SLC35F1: variants seen among roughly 807,000 people sequenced by gnomAD.
SLC35F1 encodes the protein solute carrier family 35 member F1.
Under a neutral mutation model 48.7 loss-of-function variants are expected in SLC35F1, and 14 were observed. The ratio of observed to expected loss-of-function variants is 0.29; its 90% confidence interval spans 0.19 to 0.45. SLC35F1 has a LOEUF of 0.45. SLC35F1 is among the 20% of genes least tolerant of loss of function. SLC35F1 has a pLI of 1.00. For synonymous variants in SLC35F1, 190 were observed against 202.2 expected (o/e 0.94, Z 0.51); for missense variants, 404 against 500.0 (o/e 0.81, Z 1.83).
chr6:118,164,027 T>C (rs1774279893), intron 2 of SLC35F1, among the ~76,000 whole-genome samples: 1 of 152,260 alleles, frequency 6.6e-6, no homozygotes, highest in Non-Finnish European at 1.5e-5. Flanking sequence ...TAATTATCTC[T>C]GGATCATAAT....
intron 7 of SLC35F1, among the ~76,000 whole-genome samples, chr6:118,308,858 A>G (rs1378071672): frequency 6.6e-6 from 1 of 152,176 alleles, no homozygotes; most frequent in Non-Finnish European, 1.5e-5. Context: ...CAAGTAGTAC[A>G]TCTGTTTCAA....
intron 1 of SLC35F1, among the ~76,000 whole-genome samples, chr6:118,052,176 A>G (rs191958284): frequency 3.6e-4 from 55 of 152,154 alleles, no homozygotes; most frequent in Admixed American, 1.8e-3. Flanking sequence ...ACCTGCAGCC[A>G]CCCCTTCCCA....
chr6:118,246,573 A>G (rs1349546510), intron 3 of SLC35F1, among the ~76,000 whole-genome samples: 1 of 152,146 alleles, frequency 6.6e-6, no homozygotes, highest in Non-Finnish European at 1.5e-5. Context: ...TACTGACAAC[A>G]TGAATCTGAC....
intron 1 of SLC35F1, among the ~76,000 whole-genome samples, chr6:117,963,177 A>G (rs1338920098): frequency 2.6e-5 from 4 of 152,164 alleles, no homozygotes; most frequent in African/African-American, 9.7e-5. Flanking sequence ...TAGGCTCATT[A>G]AGTGGCCCAA....
intron 7 of SLC35F1, among the ~76,000 whole-genome samples, chr6:118,307,889 C>T (rs779298725): frequency 1.3e-5 from 2 of 152,180 alleles, no homozygotes; most frequent in Non-Finnish European, 2.9e-5. Flanking sequence ...TGTACCCAAG[C>T]TCCAGGTATG....
intron 1 of SLC35F1, among the ~76,000 whole-genome samples, chr6:117,948,586 A>C (rs1484844707): frequency 6.6e-6 from 1 of 152,280 alleles, no homozygotes; most frequent in African/African-American, 2.4e-5. Flanking sequence ...CAAGTTTTGC[A>C]TTTGACATTG....
intron 1 of SLC35F1, among the ~76,000 whole-genome samples, chr6:117,953,896 G>A (rs1776394295): frequency 6.6e-6 from 1 of 152,108 alleles, no homozygotes; most frequent in Non-Finnish European, 1.5e-5. Flanking sequence ...GATAGAAAGG[G>A]AACATGAATG....
intron 2 of SLC35F1, among the ~76,000 whole-genome samples, chr6:118,162,521 T>G (rs1171029437): frequency 6.6e-6 from 1 of 152,170 alleles, no homozygotes; most frequent in African/African-American, 2.4e-5. Context: ...AATTTTATTG[T>G]ATCTAAGTTG....
intron 1 of SLC35F1, among the ~76,000 whole-genome samples, chr6:117,909,291 G>A (rs1171434927): frequency 2.0e-5 from 3 of 151,954 alleles, no homozygotes; most frequent in Admixed American, 2.0e-4. Context: ...GAATACCTGT[G>A]AGTTTTTTTT....
intron 2 of SLC35F1, among the ~76,000 whole-genome samples, chr6:118,186,480 C>T (rs1774658796): frequency 6.6e-6 from 1 of 151,512 alleles, no homozygotes. Context: ...ATGGCAAAAG[C>T]ATTTACTCCT....
intron 1 of SLC35F1, among the ~76,000 whole-genome samples, chr6:118,077,437 C>G (rs4283912): frequency 0.2 from 30,459 of 152,140 alleles, 3,252 homozygotes; most frequent in East Asian, 0.29. Flanking sequence ...GGGAAATACC[C>G]TTTGAGAACC....
intron 3 of SLC35F1, among the ~76,000 whole-genome samples, chr6:118,256,082 C>G (rs1775639603): frequency 6.6e-6 from 1 of 152,068 alleles, no homozygotes; most frequent in Admixed American, 6.6e-5. Context: ...TTTTCAGATG[C>G]CTCTGGGATG....
At chr6:118,177,194 T>C (rs1774503052) in intron 2 of SLC35F1, among the ~76,000 whole-genome samples, 1 of 152,122 alleles carries the variant, frequency 6.6e-6, no homozygotes, top group Non-Finnish European at 1.5e-5. Flanking sequence ...GGTCCTATTT[T>C]CTATGCCTAT....
intron 1 of SLC35F1, among the ~76,000 whole-genome samples, chr6:118,009,474 A>G (rs1454897417): frequency 3.9e-5 from 6 of 152,166 alleles, no homozygotes; most frequent in Non-Finnish European, 7.4e-5. Context: ...TCTAAGTAGA[A>G]CTGTTTTGAG....
At position 118,316,966 on chromosome 6, in the gene SLC35F1, A is replaced by G. The variant is rs1776445545; in HGVS notation, c.*2714A>G. 6.6e-6 allele frequency: 1 copy of G among 152,594 alleles called. No individual in the cohort carries two copies. Among genetic ancestry groups the G allele is most frequent in the Non-Finnish European group, 1.5e-5 (1 of 68,036 alleles). The allele number at this position is 152,594 out of a possible 1,614,324, so 9.5% of individuals were successfully genotyped here. A position where few individuals can be genotyped will look rare whatever the true frequency, so the allele number is the denominator to read the frequency against. On this transcript the variant is annotated 3_prime_UTR_variant, in exon 8 of 8. Coordinates refer to ENST00000360388, the MANE Select transcript of SLC35F1 (RefSeq NM_001029858.4). ...TTCTTTTTCTGTGTAAAAAACACTG[A>G]TCCTTTGGGAATGGGGCGGGAAATG...
At chr6:118,004,232 C>G (rs1777144779) in intron 1 of SLC35F1, among the ~76,000 whole-genome samples, 1 of 152,112 alleles carries the variant, frequency 6.6e-6, no homozygotes, top group South Asian at 2.1e-4. Context: ...TGAGAGTGCT[C>G]TTTTGAAGTT....
intron 1 of SLC35F1, among the ~76,000 whole-genome samples, chr6:118,012,837 G>C (rs1777267861): frequency 6.6e-6 from 1 of 152,158 alleles, no homozygotes; most frequent in African/African-American, 2.4e-5. Context: ...ATCCACAGCA[G>C]TAGCTGCAAA....
chr6:118,092,472 A>G (rs979523939), intron 1 of SLC35F1, among the ~76,000 whole-genome samples: 5 of 152,226 alleles, frequency 3.3e-5, no homozygotes, highest in Non-Finnish European at 7.3e-5. Context: ...TGAAAGGGAA[A>G]TGTGGTGTGT....
At position 118,110,753 on chromosome 6, in the gene SLC35F1, T is replaced by A. The variant is rs1773387146; in HGVS notation, c.174-43692T>A. ...CAGTTCTTTCTTAGCTTTAATACTC[T>A]ATTATTAGACAGCAGTCTTATGGAT... On this transcript the variant is annotated intron_variant, in intron 1 of 7. Transcript: ENST00000360388. 2.0e-5 allele frequency among the ~76,000 whole-genome samples: 3 copies of A among 152,104 alleles called. No individual in the cohort carries two copies. In the South Asian group the frequency reaches 6.2e-4, roughly 32 times the overall value.
Sources: allele counts gnomAD v4.1 joint callset (sites outside exome capture counted in the v4.1 genomes callset), GRCh38; gene constraint gnomAD v4.1.1; transcripts MANE v1.5; gene names NCBI Gene and HGNC (gene_info 2026-07-23, HGNC 2026-07-21).